The following DOCK10 variants were observed in gnomAD, a reference collection of about 807,000 sequenced individuals.
The protein encoded by DOCK10 is dedicator of cytokinesis 10.
In DOCK10, 145 loss-of-function variants were observed where a neutral mutation model predicts 280.1. The observed-to-expected ratio is 0.52, with a 90% CI of 0.45 to 0.59. DOCK10 has a LOEUF of 0.59. Ranked by LOEUF, DOCK10 falls within the 20% of genes least tolerant of loss-of-function variation. The pLI, the probability that DOCK10 is intolerant of heterozygous loss-of-function variation, is 0.00. For synonymous variants in DOCK10, 915 were observed against 942.2 expected, an observed-to-expected ratio of 0.97 and a Z score of 0.53; for missense variants, 2,368 against 2,651.7, an observed-to-expected ratio of 0.89 and a Z score of 2.35.
At chr2:224,932,823 T>C (rs922820086) in intron 1 of DOCK10, among the ~76,000 whole-genome samples, 4 of 152,202 alleles carry the variant, frequency 2.6e-5, no homozygotes, top group African/African-American at 4.8e-5. Context: ...GATAAGGCCC[T>C]AGGAACTTTC....
intron 52 of DOCK10, among the ~76,000 whole-genome samples, chr2:224,773,789 G>A (rs1260391886): frequency 1.3e-5 from 2 of 151,938 alleles, no homozygotes; most frequent in African/African-American, 2.4e-5. Context: ...GCGCCACCAT[G>A]CTCAGCTAAT....
chr2:225,039,684 T>G (rs1360000129), intron 1 of DOCK10, among the ~76,000 whole-genome samples: 6 of 75,852 alleles, frequency 7.9e-5, no homozygotes, highest in Non-Finnish European at 1.5e-4. Context: ...AGGCTTCCTG[T>G]CTTCTCTCTC....
intron 1 of DOCK10, chr2:225,010,447 A>G (rs1689400900): frequency 6.5e-6 from 1 of 153,582 alleles, no homozygotes. Context: ...AGGAAAATAT[A>G]AAATTCTGTC....
At chr2:224,792,256 A>G (rs967143853) in intron 47 of DOCK10, among the ~76,000 whole-genome samples, 2 of 152,170 alleles carry the variant, frequency 1.3e-5, no homozygotes, top group Non-Finnish European at 2.9e-5. Context: ...CTACATATAT[A>G]GAATATATAT....
At chr2:224,954,419 T>C (rs894504623) in intron 1 of DOCK10, among the ~76,000 whole-genome samples, 14 of 152,224 alleles carry the variant, frequency 9.2e-5, no homozygotes, top group African/African-American at 3.4e-4. Context: ...ATTTTCTGAA[T>C]TTCCTGTTGG....
At chr2:224,997,004 G>A (rs1706289747) in intron 1 of DOCK10, among the ~76,000 whole-genome samples, 1 of 152,172 alleles carries the variant, frequency 6.6e-6, no homozygotes, top group South Asian at 2.1e-4. Flanking sequence ...AGAAGGAAAG[G>A]ACAAGACAGT....
Position 224,808,067 on chromosome 2 carries a change from G to T in DOCK10, c.3429C>A (p.Val1143=). 6.2e-7 allele frequency: 1 copy of T among 1,611,746 alleles called. No homozygotes were observed. The highest frequency in any genetic ancestry group is 1.1e-5 in the South Asian group (1 of 90,698). ...AGTGTTTGCGACAAAATTCATTTGT[G>T]ACTGAATATTCAGGCATATCTTTGT... The part of the protein sequence containing the change: ...LHASDMPEYS[V]TNEFCRKHFL... Residue 1143 remains valine, a synonymous_variant, in exon 32 of 56, where the codon GTC becomes GTA. Transcript: ENST00000258390.
At chr2:225,020,191 GTA>G (rs373779301) in intron 1 of DOCK10, among the ~76,000 whole-genome samples, 2 of 150,772 alleles carry the variant, frequency 1.3e-5, no homozygotes, top group Non-Finnish European at 1.5e-5. Flanking sequence ...TGATATTAAA[GTA>G]TATATATATA....
At chr2:224,803,031 T>G (rs2125190395) in intron 39 of DOCK10, among the ~76,000 whole-genome samples, 1 of 152,200 alleles carries the variant, frequency 6.6e-6, no homozygotes, top group East Asian at 1.9e-4. Context: ...GGCTCTAGGC[T>G]TTAGGCATTT....
In DOCK10 at chr2:224,819,532, A is replaced by C; in HGVS notation, c.3184-3T>G. 6.4e-7 allele frequency: 1 copy of C among 1,569,020 alleles called. No individual in the cohort carries two copies. Among genetic ancestry groups the C allele is most frequent in the South Asian group, 1.2e-5 (1 of 83,254 alleles). On this transcript the variant is annotated splice_region_variant and splice_polypyrimidine_tract_variant and intron_variant, in intron 28 of 55. Transcript: ENST00000258390. ...CGGTCCATAAATGTAAAGCAGCGCT[A>C]AAATAGATAAAATTCTAAATTTAAA... is the stretch of plus-strand genomic sequence containing the variant.
At position 224,864,613 on chromosome 2, in the gene DOCK10, G is replaced by A. The variant is rs1423631538; in HGVS notation, c.1542C>T (p.Val514=). Reference sequence around the variant, plus strand: ...CACCACTTGCAATGTTTCCCATCAAGACTTTTTCGATTTTGGCCACCAAAA... The same window carrying A: ...CACCACTTGCAATGTTTCCCATCAAAACTTTTTCGATTTTGGCCACCAAAA... The part of the protein sequence containing the change: ...EIVLVAKIEK[V]LMGNIASGAE... Residue 514 remains valine, a synonymous_variant, in exon 13 of 56, where the codon GTC becomes GTT. Coordinates refer to ENST00000258390, the MANE Select transcript of DOCK10 (RefSeq NM_014689.3). 6.2e-7 allele frequency: 1 copy of A among 1,613,444 alleles called. No individual in the cohort carries two copies. Among genetic ancestry groups the A allele is most frequent in the South Asian group, 1.1e-5 (1 of 90,936 alleles).
At chr2:224,901,402 T>C (rs952551295) in intron 3 of DOCK10, among the ~76,000 whole-genome samples, 29 of 152,334 alleles carry the variant, frequency 1.9e-4, no homozygotes, top group Admixed American at 1.8e-3. Context: ...AGGCTGTGAA[T>C]ATTGAGCAAG....
At chr2:224,902,012 A>G (rs1216719812) in intron 3 of DOCK10, among the ~76,000 whole-genome samples, 3 of 152,258 alleles carry the variant, frequency 2.0e-5, no homozygotes, top group Non-Finnish European at 2.9e-5. Context: ...TGGAAATGAC[A>G]ACAAATGATA....
At chr2:224,892,919 T>C (rs1438189242) in intron 4 of DOCK10, among the ~76,000 whole-genome samples, 1 of 152,238 alleles carries the variant, frequency 6.6e-6, no homozygotes, top group Non-Finnish European at 1.5e-5. Flanking sequence ...TTCTCTCTTT[T>C]AAAGGTCATG....
chr2:224,905,221 G>A (rs977125718), intron 3 of DOCK10, among the ~76,000 whole-genome samples: 3 of 151,592 alleles, frequency 2.0e-5, no homozygotes, highest in South Asian at 4.2e-4. Context: ...ATCAATAAAC[G>A]GCCTATGGAA....
chr2:224,862,841 C>T lies in DOCK10; in HGVS notation c.1603-95G>A, dbSNP rs530590996. 3.0e-4 allele frequency: 240 copies of T among 794,390 alleles called. 1 individual carries two copies. The South Asian group carries it at 4.7e-3, about 16-fold the overall frequency. The allele number at this position is 794,390 out of a possible 1,614,324, so 49.2% of individuals were successfully genotyped here. On this transcript the variant is annotated intron_variant, in intron 13 of 55. Coordinates refer to ENST00000258390, the MANE Select transcript of DOCK10 (RefSeq NM_014689.3). ...AAATACTTTTTCATATTATTTTATA[C>T]TGAAACTCAGCGTAACTGTGTCTTA...
chr2:224,871,239 C>A (rs980714590), intron 11 of DOCK10, among the ~76,000 whole-genome samples: 1 of 152,112 alleles, frequency 6.6e-6, no homozygotes, highest in African/African-American at 2.4e-5. Flanking sequence ...TGCAAATCTC[C>A]CTCCCGTGTT....
intron 28 of DOCK10, among the ~76,000 whole-genome samples, chr2:224,820,942 G>A (rs1049293438): frequency 6.6e-6 from 1 of 152,202 alleles, no homozygotes; most frequent in African/African-American, 2.4e-5. Flanking sequence ...GAATGAATCA[G>A]CCTTTGCTAC....
At chr2:224,877,130 T>A (rs1157647207) in intron 7 of DOCK10, among the ~76,000 whole-genome samples, 2 of 152,216 alleles carry the variant, frequency 1.3e-5, no homozygotes, top group Admixed American at 6.5e-5. Flanking sequence ...GCATGGTGTG[T>A]GCCCCCATGT....
Sources: gnomAD v4.1 joint callset for allele counts (sites outside exome capture counted in the v4.1 genomes callset) on GRCh38, gnomAD v4.1.1 for gene constraint, MANE v1.5 for transcripts, NCBI Gene and HGNC (gene_info 2026-07-23, HGNC 2026-07-21) for gene names.